Variants in PAM observed in about 807,000 individuals in gnomAD.
PAM encodes the protein peptidylglycine alpha-amidating monooxygenase, also known as peptidyl-glycine alpha-amidating monooxygenase.
Under a neutral mutation model 122.1 loss-of-function variants are expected in PAM, and 72 were observed. The observed-to-expected ratio is 0.59, with a 90% CI of 0.49 to 0.72. The LOEUF is 0.72. PAM is among the 30% of genes least tolerant of loss of function. The pLI is 0.00. For missense variants in PAM, 1,106 were observed against 1,183.7 expected (o/e 0.93, Z 0.96); for synonymous variants, 389 against 404.4 (o/e 0.96, Z 0.46).
chr5:102,756,425 G>T (rs970530401), intron 1 of PAM, among the ~76,000 whole-genome samples: 1 of 152,156 alleles, frequency 6.6e-6, no homozygotes, highest in Non-Finnish European at 1.5e-5. Context: ...GTAGAAGGAA[G>T]ATCTTATTGG....
chr5:102,790,392 T>C, intron 1 of PAM, among the ~76,000 whole-genome samples: 1 of 152,216 alleles, frequency 6.6e-6, no homozygotes, highest in East Asian at 1.9e-4. Context: ...ATTGTATAGA[T>C]GCACAAAGAG....
intron 3 of PAM, among the ~76,000 whole-genome samples, chr5:102,876,274 A>G (rs1789176674): frequency 6.6e-6 from 1 of 152,108 alleles, no homozygotes; most frequent in Non-Finnish European, 1.5e-5. Flanking sequence ...CCCAAGCACC[A>G]TCCTCTCTTT....
At chr5:103,018,782 T>C (rs1212280789) in intron 22 of PAM, among the ~76,000 whole-genome samples, 1 of 152,228 alleles carries the variant, frequency 6.6e-6, no homozygotes, top group East Asian at 1.9e-4. Context: ...TATTTCAATC[T>C]GAGGCCCTGT....
At chr5:102,959,742 A>G in intron 12 of PAM, 133 bp from the exon 13 acceptor site, 1 of 617,098 alleles carries the variant, frequency 1.6e-6, no homozygotes, top group Non-Finnish European at 2.9e-6. Flanking sequence ...GTTTTAATGA[A>G]AGCTATAAAA....
intron 1 of PAM, chr5:102,864,634 A>G (rs1785032206): frequency 6.6e-6 from 1 of 152,108 alleles, no homozygotes; most frequent in Non-Finnish European, 1.5e-5. Context: ...TAGCTTCACT[A>G]TCTTGTGATT....
intron 1 of PAM, among the ~76,000 whole-genome samples, chr5:102,760,118 TGGTAGATA>T (rs1751869225): frequency 6.6e-6 from 1 of 152,206 alleles, no homozygotes; most frequent in Admixed American, 6.5e-5. Flanking sequence ...GACATTTGTA[TGGTAGATA>T]GTTTTGGAAG....
At chr5:102,796,228 T>C (rs1763344073) in intron 1 of PAM, among the ~76,000 whole-genome samples, 1 of 152,182 alleles carries the variant, frequency 6.6e-6, no homozygotes, top group South Asian at 2.1e-4. Context: ...GTGAGCTCCA[T>C]GGGCCCTTCA....
intron 1 of PAM, among the ~76,000 whole-genome samples, chr5:102,817,623 C>A (rs913910980): frequency 1.3e-5 from 2 of 151,944 alleles, no homozygotes; most frequent in Admixed American, 6.6e-5. Context: ...TATTGGATGG[C>A]ACTATCATTA....
chr5:102,758,068 ATTTTGTTTTTTTT>A lies in PAM; in HGVS notation c.-374+2725_-374+2737del, dbSNP rs1215148218. 7.2e-3 allele frequency among the ~76,000 whole-genome samples: 629 copies of A among 87,558 alleles called. 23 individuals carry two copies. Among genetic ancestry groups the A allele is most frequent in the African/African-American group, 0.026 (603 of 23,040 alleles). The allele number at this position is 87,558 out of a possible 152,430, so 57.4% of individuals were successfully genotyped here. ...AAAAAAAAAAAAAAAAAGACTTAGA[ATTTTGTTTTTTTT>A]TTTTTTTTTTTTTTTTTTTTTTTTT... On this transcript the variant is annotated intron_variant, in intron 1 of 25. Coordinates refer to ENST00000438793, the MANE Select transcript of PAM (RefSeq NM_001177306.2).
At chr5:102,849,555 CA>C (rs538988180) in intron 1 of PAM, among the ~76,000 whole-genome samples, 19,317 of 73,376 alleles carry the variant, frequency 0.26, 1,220 homozygotes, top group African/African-American at 0.35. Context: ...AAGACTGTCT[CA>C]AAAAAAAAAA....
chr5:102,982,952 TAAAC>T (rs1376680134), intron 15 of PAM, among the ~76,000 whole-genome samples: 1 of 151,838 alleles, frequency 6.6e-6, no homozygotes, highest in Non-Finnish European at 1.5e-5. Context: ...AGAACACAGA[TAAAC>T]AATACAAATA....
At chr5:102,883,696 C>A (rs1792058543) in intron 3 of PAM, among the ~76,000 whole-genome samples, 1 of 151,864 alleles carries the variant, frequency 6.6e-6, no homozygotes, top group South Asian at 2.1e-4. Flanking sequence ...GATGTGAATG[C>A]CCTTGATTTC....
At chr5:102,972,188 C>T (rs1217351933) in intron 14 of PAM, among the ~76,000 whole-genome samples, 1 of 152,114 alleles carries the variant, frequency 6.6e-6, no homozygotes, top group African/African-American at 2.4e-5. Flanking sequence ...TTGCAGTGAG[C>T]CAAGATTGTG....
intron 20 of PAM, 93 bp downstream of exon 20, chr5:103,007,750 C>T: frequency 1.3e-6 from 1 of 776,206 alleles, no homozygotes; most frequent in Non-Finnish European, 2.1e-6. Context: ...TATAAATTTT[C>T]TTTGCTATAT....
intron 1 of PAM, among the ~76,000 whole-genome samples, chr5:102,814,891 C>G (rs1448561176): frequency 1.3e-5 from 2 of 151,904 alleles, no homozygotes; most frequent in Non-Finnish European, 2.9e-5. Context: ...CTTTTGTGTT[C>G]TTTCTGTGAT....
At chr5:102,848,555 C>T (rs1780538744) in intron 1 of PAM, among the ~76,000 whole-genome samples, 1 of 152,200 alleles carries the variant, frequency 6.6e-6, no homozygotes, top group African/African-American at 2.4e-5. Context: ...TTTTTAGTGT[C>T]TCACTGTGAA....
rs535936163 is a variant in PAM, at chr5:102,840,687, A to G, written c.-373-25136A>G. On this transcript the variant is annotated intron_variant, in intron 1 of 25. Coordinates refer to ENST00000438793, the MANE Select transcript of PAM (RefSeq NM_001177306.2). ...GGACCTAGCCTTCTTGCAGCTCATCACTCGTCCATCTTCATGATGCAGCCC... is the reference window on the plus strand; with the variant it reads ...GGACCTAGCCTTCTTGCAGCTCATCGCTCGTCCATCTTCATGATGCAGCCC... 5.3e-5 allele frequency among the ~76,000 whole-genome samples: 8 copies of G among 152,234 alleles called. No homozygotes were observed. The South Asian group carries it at 1.7e-3, about 32-fold the overall frequency.
At chr5:102,946,973 G>C (rs914675650) in intron 8 of PAM, 88 bp downstream of exon 8, 2 of 845,898 alleles carry the variant, frequency 2.4e-6, no homozygotes, top group East Asian at 5.0e-5. Context: ...AATTATCTGT[G>C]GGTAAAAATT....
At chr5:103,022,959 A>G (rs991495825) in intron 23 of PAM, among the ~76,000 whole-genome samples, 1 of 152,118 alleles carries the variant, frequency 6.6e-6, no homozygotes, top group Non-Finnish European at 1.5e-5. Context: ...TTAAATTTTT[A>G]GCCTCCTTTT....
Sources: allele counts gnomAD v4.1 joint callset (sites outside exome capture counted in the v4.1 genomes callset), GRCh38; gene constraint gnomAD v4.1.1; transcripts MANE v1.5; gene names NCBI Gene and HGNC (gene_info 2026-07-23, HGNC 2026-07-21).